Variants in SGCD observed in about 807,000 individuals in gnomAD.
SGCD encodes the protein delta-sarcoglycan.
SGCD carries 18 observed loss-of-function variants against 36.6 expected under a neutral mutation model. The observed-to-expected ratio is 0.49, with a 90% CI of 0.34 to 0.73. The LOEUF (loss-of-function observed/expected upper bound fraction) is 0.73. Among genes scored for constraint, SGCD ranks in the 30% least tolerant of loss-of-function variants. SGCD has a pLI of 0.01. For missense variants in SGCD, 387 were observed against 346.7 expected (o/e 1.12, Z -0.92); for synonymous variants, 133 against 130.6 (o/e 1.02, Z -0.12).
At chr5:156,748,889 G>T (rs979848573) in intron 7 of SGCD, among the ~76,000 whole-genome samples, 1 of 151,824 alleles carries the variant, frequency 6.6e-6, no homozygotes, top group East Asian at 1.9e-4. Flanking sequence ...TTTTCCCTCT[G>T]GGGTAGCTGG....
chr5:156,692,459 C>T (rs1754153493), intron 7 of SGCD, among the ~76,000 whole-genome samples: 1 of 152,182 alleles, frequency 6.6e-6, no homozygotes, highest in South Asian at 2.1e-4. Flanking sequence ...CTCTGCTATA[C>T]ATGAGGCTGT....
At position 156,757,744 on chromosome 5, in the gene SGCD, T is replaced by G. The variant is rs1203901145; in HGVS notation, c.699+40T>G. ...GGACAGAAGTTCAAAGAGCTACAGC[T>G]TCAACAGGCCAACCCTTCCCATAAC... On this transcript the variant is annotated intron_variant, in intron 8 of 8. Transcript: ENST00000337851. The G allele has an allele frequency of 6.3e-7, 1 of 1,585,328 alleles. No homozygotes were observed. Among genetic ancestry groups the G allele is most frequent in the African/African-American group, 1.3e-5 (1 of 74,474 alleles).
At chr5:156,686,388 G>T (rs1015396633) in intron 7 of SGCD, among the ~76,000 whole-genome samples, 1 of 152,186 alleles carries the variant, frequency 6.6e-6, no homozygotes. Context: ...ATGGTAATCT[G>T]CAAAGCCACT....
the SGCD span, among the ~76,000 whole-genome samples, chr5:155,833,752 C>A: frequency 6.6e-6 from 1 of 152,186 alleles, no homozygotes; most frequent in Non-Finnish European, 1.5e-5. Context: ...GTTGCCCCTG[C>A]ATGATGTATG....
Position 156,146,009 on chromosome 5 carries a change from C to T in SGCD, c.-44+21990C>T, listed in dbSNP as rs530560475. Among the ~76,000 whole-genome samples the T allele has an allele frequency of 4.5e-4, 68 of 152,152 alleles. 1 individual carries two copies. The South Asian group carries it at 1.0e-2, about 22-fold the overall frequency. On this transcript the variant is annotated intron_variant, in intron 3 of 9. Transcript: ENST00000517913. ...TGGGCGGATCACGAGGTCAGGAGAT[C>T]GAGACCATCCTGGCTAACATGGTGA...
intron 4 of SGCD, among the ~76,000 whole-genome samples, chr5:156,577,115 C>A (rs538198547): frequency 3.2e-4 from 49 of 152,244 alleles, no homozygotes; most frequent in African/African-American, 1.1e-3. Flanking sequence ...GGAAGGGATC[C>A]AGTTTCAGCT....
At chr5:155,728,002 C>A in the SGCD span, among the ~76,000 whole-genome samples, 1 of 152,092 alleles carries the variant, frequency 6.6e-6, no homozygotes, top group South Asian at 2.1e-4. Flanking sequence ...GAGTGGAGCT[C>A]CCCCCACCCC....
At chr5:156,296,859 C>A (rs1385287774) in intron 3 of SGCD, among the ~76,000 whole-genome samples, 2 of 152,044 alleles carry the variant, frequency 1.3e-5, no homozygotes, top group Non-Finnish European at 2.9e-5. Flanking sequence ...ATGTCTACTT[C>A]TCCCTTCACT....
chr5:156,167,358 A>G (rs1279774351), intron 3 of SGCD, among the ~76,000 whole-genome samples: 2 of 152,186 alleles, frequency 1.3e-5, no homozygotes, highest in East Asian at 3.9e-4. Flanking sequence ...AAGCTCCATG[A>G]GGGCATAACT....
intron 3 of SGCD, among the ~76,000 whole-genome samples, chr5:156,388,129 G>A (rs1446471045): frequency 6.6e-6 from 1 of 152,122 alleles, no homozygotes; most frequent in East Asian, 1.9e-4. Context: ...TTTAAATTTT[G>A]GAGTGAGTCT....
intron 1 of SGCD, among the ~76,000 whole-genome samples, chr5:155,951,535 C>A (rs1392750036): frequency 6.6e-6 from 1 of 152,080 alleles, no homozygotes. Context: ...CTTTTGGATG[C>A]AGTTAATGTT....
chr5:156,486,033 A>G (rs75817586), intron 3 of SGCD, among the ~76,000 whole-genome samples: 2,594 of 152,184 alleles, frequency 0.017, 81 homozygotes, highest in African/African-American at 0.059. Context: ...GAGGGAGTCC[A>G]CACTAGGTCC....
intron 3 of SGCD, among the ~76,000 whole-genome samples, chr5:156,372,416 A>G (rs181866698): frequency 2.9e-4 from 44 of 152,284 alleles, no homozygotes; most frequent in Admixed American, 2.6e-3. Context: ...CTGTAATCTT[A>G]GCACTCTCCA....
At chr5:156,581,412 A>C (rs1225533940) in intron 4 of SGCD, among the ~76,000 whole-genome samples, 1 of 152,146 alleles carries the variant, frequency 6.6e-6, no homozygotes, top group Admixed American at 6.5e-5. Context: ...TCCATTCTCC[A>C]AGCCCAAACG....
At chr5:156,454,555 G>C (rs895817627) in intron 3 of SGCD, among the ~76,000 whole-genome samples, 7 of 152,162 alleles carry the variant, frequency 4.6e-5, no homozygotes, top group African/African-American at 1.4e-4. Flanking sequence ...ATGCTCTTCA[G>C]TCATTGGCCA....
chr5:156,677,514 G>C (rs1753560278), intron 7 of SGCD, among the ~76,000 whole-genome samples: 1 of 151,484 alleles, frequency 6.6e-6, no homozygotes, highest in Non-Finnish European at 1.5e-5. Context: ...ACAGGGTGGG[G>C]AACATCACAT....
At chr5:156,610,838 G>A (rs1761764846) in intron 6 of SGCD, among the ~76,000 whole-genome samples, 1 of 152,236 alleles carries the variant, frequency 6.6e-6, no homozygotes, top group Non-Finnish European at 1.5e-5. Context: ...GGACCCTCCA[G>A]GCCAGGCGCA....
chr5:156,627,815 A>C (rs1468997175), intron 6 of SGCD, among the ~76,000 whole-genome samples: 1 of 152,226 alleles, frequency 6.6e-6, no homozygotes, highest in Non-Finnish European at 1.5e-5. Flanking sequence ...TCTGATATTA[A>C]TACTACTATA....
intron 1 of SGCD, among the ~76,000 whole-genome samples, chr5:155,974,273 A>G (rs78087285): frequency 0.013 from 2,044 of 152,238 alleles, 24 homozygotes; most frequent in Non-Finnish European, 0.018. Context: ...GGCAAGTTAC[A>G]TGACTTGCCC....
Sources: gnomAD v4.1 joint callset for allele counts (sites outside exome capture counted in the v4.1 genomes callset) on GRCh38, gnomAD v4.1.1 for gene constraint, MANE v1.5 for transcripts, NCBI Gene and HGNC (gene_info 2026-07-23, HGNC 2026-07-21) for gene names.